The following MTFR2 variants were observed in gnomAD, a reference collection of about 807,000 sequenced individuals.
MTFR2 encodes the protein DUF729 domain-containing protein 1.
A neutral mutation model predicts 41.2 loss-of-function variants in MTFR2; 44 were observed. The observed-to-expected ratio is 1.07, with a 90% CI of 0.84 to 1.37. The LOEUF is 1.37. Ranked by LOEUF, MTFR2 falls within the 40% of genes most tolerant of loss-of-function variation. The pLI is 0.00. For missense variants in MTFR2, 452 were observed against 459.5 expected, an observed-to-expected ratio of 0.98 and a Z score of 0.15; for synonymous variants, 141 against 154.6, an observed-to-expected ratio of 0.91 and a Z score of 0.65.
chr6:136,234,980 G>C (rs900204649), intron 6 of MTFR2, among the ~76,000 whole-genome samples: 9 of 152,106 alleles, frequency 5.9e-5, no homozygotes, highest in Non-Finnish European at 1.3e-4. Flanking sequence ...TCCGCCTCCC[G>C]GGCTCAAACA....
chr6:136,239,935 A>ATGG, intron 5 of MTFR2, 115 bp from the exon 6 acceptor site: 1 of 775,544 alleles, frequency 1.3e-6, no homozygotes, highest in Non-Finnish European at 2.0e-6. Flanking sequence ...TAGTAGCGAT[A>ATGG]TGGTAGCAAG....
chr6:136,240,916 C>T (rs984436687), intron 5 of MTFR2, among the ~76,000 whole-genome samples: 1 of 152,090 alleles, frequency 6.6e-6, no homozygotes, highest in Non-Finnish European at 1.5e-5. Context: ...ACGGTGAAAC[C>T]CCGTCTCTAC....
chr6:136,243,873 T>A (rs1562213073), intron 3 of MTFR2, among the ~76,000 whole-genome samples: 2 of 152,088 alleles, frequency 1.3e-5, no homozygotes, highest in Non-Finnish European at 2.9e-5. Context: ...TAGAAGGCAG[T>A]GATATTGATG....
intron 3 of MTFR2, among the ~76,000 whole-genome samples, chr6:136,243,766 G>C (rs533080087): frequency 3.3e-4 from 50 of 151,954 alleles, no homozygotes; most frequent in Admixed American, 1.0e-3. Flanking sequence ...AGGTCCTTCA[G>C]GAGGTATTCC....
intron 6 of MTFR2, among the ~76,000 whole-genome samples, chr6:136,235,664 T>G (rs1248519476): frequency 6.6e-6 from 1 of 152,206 alleles, no homozygotes; most frequent in African/African-American, 2.4e-5. Flanking sequence ...CTAGGCGCAG[T>G]GGCTCATGCC....
intron 6 of MTFR2, among the ~76,000 whole-genome samples, chr6:136,236,976 G>A (rs746443797): frequency 6.6e-6 from 1 of 152,204 alleles, no homozygotes; most frequent in Non-Finnish European, 1.5e-5. Context: ...AAGCTGGAAA[G>A]CTGATGAAAG....
intron 2 of MTFR2, 101 bp from the exon 3 acceptor site, chr6:136,244,970 G>A: frequency 1.2e-6 from 1 of 819,480 alleles, no homozygotes; most frequent in Non-Finnish European, 1.8e-6. Context: ...AGACGCAGTG[G>A]CATTTTTTTT....
intron 7 of MTFR2, among the ~76,000 whole-genome samples, chr6:136,232,708 A>G (rs562159348): frequency 5.9e-5 from 9 of 152,250 alleles, no homozygotes; most frequent in Admixed American, 2.0e-4. Context: ...TACTACCTCA[A>G]CTAAATTAAG....
At position 136,233,502 on chromosome 6, in the gene MTFR2, A is replaced by G; in HGVS notation, c.870-3T>C. The G allele has an allele frequency of 6.8e-7, 1 of 1,468,902 alleles. No individual in the cohort carries two copies. Among genetic ancestry groups the G allele is most frequent in the Non-Finnish European group, 9.1e-7 (1 of 1,102,646 alleles). The allele number at this position is 1,468,902 out of a possible 1,614,324, so 91.0% of individuals were successfully genotyped here. A position where few individuals can be genotyped will look rare whatever the true frequency, so the allele number is the denominator to read the frequency against. ...GAATGGGTCTACCGCCAGGTGACCT[A>G]TTTTTTAAAAAAAAAAATTGAATTT... On this transcript the variant is annotated splice_polypyrimidine_tract_variant and splice_region_variant and intron_variant, in intron 6 of 7. Transcript: ENST00000420702.
intron 2 of MTFR2, among the ~76,000 whole-genome samples, chr6:136,245,174 TG>T (rs1205337871): frequency 6.6e-6 from 1 of 152,156 alleles, no homozygotes; most frequent in Non-Finnish European, 1.5e-5. Flanking sequence ...TCCAATACCT[TG>T]GGAGAAACTT....
In MTFR2 at chr6:136,233,372, T is replaced by C; in HGVS notation, c.997A>G (p.Asn333Asp). Reference protein sequence around the residue: ...FQEDDSFEKENRSWESSPFSS... With the variant: ...FQEDDSFEKEDRSWESSPFSS... ...AATGGGGAAGATTCCCAAGATCTAT[T>C]CTCTTTCTCAAAAGAATCATCTTCT... The change falls in exon 7 of 8, where the codon AAT becomes GAT. Residue 333 changes from asparagine to aspartate, a missense_variant. Asn to Asp is a conservative substitution (Grantham distance 23, BLOSUM62 1). Transcript: ENST00000420702. 1 of 1,612,610 alleles carries C rather than the reference T, an allele frequency of 6.2e-7. No homozygotes were observed. The highest frequency in any genetic ancestry group is 8.5e-7 in the Non-Finnish European group (1 of 1,179,122).
chr6:136,243,614 G>A (rs1298750645), intron 3 of MTFR2, among the ~76,000 whole-genome samples: 3 of 151,946 alleles, frequency 2.0e-5, no homozygotes, highest in Non-Finnish European at 4.4e-5. Context: ...TCAGGAGGCT[G>A]AGGTGGGAGG....
chr6:136,241,517 A>G lies in MTFR2; in HGVS notation c.441T>C (p.Asn147=). ...TCTGAGAGCGAAGAAAAGTCAGCTC[A>G]TTTTCAAGGGCAGCTATTTTTCTAA... ...AAIRKIAALE[N]ELTFLRSQIA... is the part of the protein sequence containing the mutation. Residue 147 remains asparagine (N), a synonymous_variant, in exon 5 of 8, where the codon AAT becomes AAC. Coordinates refer to ENST00000420702, the MANE Select transcript of MTFR2 (RefSeq NM_001099286.3). The G allele has an allele frequency of 6.2e-7, 1 of 1,614,086 alleles. No individual in the cohort carries two copies.
chr6:136,231,711 T>C lies in MTFR2; in HGVS notation c.1045-323A>G, dbSNP rs569509859. 4.1e-5 allele frequency among the ~76,000 whole-genome samples: 6 copies of C among 147,624 alleles called. No individual in the cohort carries two copies. The East Asian group carries it at 1.2e-3, about 29-fold the overall frequency. ...AAAAAAAGAAGATTATCTAAAATACTTGTAATTGGCTGGAAAAAGTGCTAA... is the reference window on the plus strand; with the variant it reads ...AAAAAAAGAAGATTATCTAAAATACCTGTAATTGGCTGGAAAAAGTGCTAA... On this transcript the variant is annotated intron_variant, in intron 7 of 7. Transcript: ENST00000420702.
intron 2 of MTFR2, chr6:136,248,687 A>G: frequency 3.9e-6 from 1 of 254,842 alleles, no homozygotes; most frequent in Non-Finnish European, 7.4e-6. Context: ...TTTCCATTAG[A>G]TTTATTCTGG....
intron 3 of MTFR2, among the ~76,000 whole-genome samples, chr6:136,244,294 C>T (rs780583690): frequency 2.2e-4 from 34 of 152,262 alleles, no homozygotes; most frequent in Non-Finnish European, 3.2e-4. Context: ...GTGCCCTATA[C>T]GGACGTAACA....
intron 6 of MTFR2, among the ~76,000 whole-genome samples, chr6:136,236,007 G>A (rs771549267): frequency 4.6e-5 from 7 of 152,200 alleles, no homozygotes; most frequent in African/African-American, 1.2e-4. Flanking sequence ...CAACTAAGAC[G>A]AGCAATGCTA....
intron 5 of MTFR2, among the ~76,000 whole-genome samples, chr6:136,240,754 C>T (rs977957415): frequency 2.6e-5 from 4 of 152,204 alleles, no homozygotes; most frequent in Non-Finnish European, 2.9e-5. Context: ...CAAACCAATG[C>T]ATTCTTCCTC....
Position 136,241,548 on chromosome 6 carries a change from G to A in MTFR2, c.410C>T (p.Ala137Val). ...TVKNDLPVNE[A>V]AIRKIAALEN... ...AAGGGCAGCTATTTTTCTAATTGCA[G>A]CTTCATTTACAGGCAGGTCATTTTT... The change falls in exon 5 of 8, where the codon GCT becomes GTT. Residue 137 changes from alanine to valine, a missense_variant. By Grantham distance (64) the Ala-to-Val change is moderately conservative. Coordinates refer to ENST00000420702, the MANE Select transcript of MTFR2 (RefSeq NM_001099286.3). 1.2e-6 allele frequency: 2 copies of A among 1,614,108 alleles called. No homozygotes were observed. Among genetic ancestry groups the A allele is most frequent in the Non-Finnish European group, 1.7e-6 (2 of 1,180,014 alleles).
Sources: gnomAD v4.1 joint callset for allele counts (sites outside exome capture counted in the v4.1 genomes callset) on GRCh38, gnomAD v4.1.1 for gene constraint, MANE v1.5 for transcripts, NCBI Gene and HGNC (gene_info 2026-07-23, HGNC 2026-07-21) for gene names.